Variants in KLHL28 observed in about 807,000 individuals in gnomAD.
KLHL28 encodes the protein kelch-like protein 28.
KLHL28 carries 22 observed loss-of-function variants against 48.3 expected under a neutral mutation model. The observed-to-expected ratio is 0.46, with a 90% CI of 0.33 to 0.65. KLHL28 has a LOEUF of 0.65. KLHL28 is among the 30% of genes least tolerant of loss of function. The pLI is 0.03. For missense variants in KLHL28, 527 were observed against 704.3 expected, an observed-to-expected ratio of 0.75 and a Z score of 2.85; for synonymous variants, 243 against 242.4, an observed-to-expected ratio of 1.00 and a Z score of -0.02.
At chr14:44,955,171 T>C (rs1001563392) in intron 1 of KLHL28, among the ~76,000 whole-genome samples, 4 of 151,748 alleles carry the variant, frequency 2.6e-5, no homozygotes, top group Non-Finnish European at 4.4e-5. Flanking sequence ...CAGTCTGTAT[T>C]TGAATAAAAA....
intron 1 of KLHL28, among the ~76,000 whole-genome samples, chr14:44,956,158 G>A (rs75237717): frequency 0.051 from 7,733 of 152,106 alleles, 654 homozygotes; most frequent in African/African-American, 0.18. Context: ...ATAGGGTCTT[G>A]CTACCTTGCC....
intron 1 of KLHL28, among the ~76,000 whole-genome samples, chr14:44,948,739 C>T (rs1489102111): frequency 6.6e-6 from 1 of 152,176 alleles, no homozygotes; most frequent in Non-Finnish European, 1.5e-5. Flanking sequence ...CTTGCTATCT[C>T]CCAAATATTT....
At chr14:44,933,500 A>G (rs1437063548) in intron 3 of KLHL28, among the ~76,000 whole-genome samples, 1 of 151,834 alleles carries the variant, frequency 6.6e-6, no homozygotes, top group African/African-American at 2.4e-5. Flanking sequence ...TGGAACATCA[A>G]TTTTCAATAA....
At chr14:44,949,516 C>A (rs983120841) in intron 1 of KLHL28, among the ~76,000 whole-genome samples, 1 of 152,012 alleles carries the variant, frequency 6.6e-6, no homozygotes, top group Non-Finnish European at 1.5e-5. Flanking sequence ...ACAAATACCC[C>A]CCAGAGTATA....
At chr14:44,957,334 AATAT>A (rs1884836001) in intron 1 of KLHL28, among the ~76,000 whole-genome samples, 5 of 152,206 alleles carry the variant, frequency 3.3e-5, no homozygotes, top group Admixed American at 3.3e-4. Flanking sequence ...AAAAACAGAA[AATAT>A]AAGGCACAAA....
chr14:44,934,557 C>T lies in KLHL28; in HGVS notation c.901G>A (p.Val301Met). 2.6e-6 allele frequency: 4 copies of T among 1,554,242 alleles called. No homozygotes were observed. The highest frequency in any genetic ancestry group is 1.2e-5 in the South Asian group (1 of 81,484). The change falls in exon 3 of 5, where the codon GTG becomes ATG. Residue 301 changes from valine to methionine, a missense_variant and splice_region_variant. Coordinates refer to ENST00000396128, the MANE Select transcript of KLHL28 (RefSeq NM_017658.5). ...TCATTCTGAGGAAAGTACATCTCCA[C>T]ACTAAAGAATAAGCAGAAAAAATAT... The part of the protein sequence containing the change: ...KSGLFACLDS[V>M]EMYFPQNDSW...
intron 2 of KLHL28, among the ~76,000 whole-genome samples, chr14:44,940,872 C>T (rs771896335): frequency 2.5e-4 from 38 of 152,094 alleles, no homozygotes; most frequent in Admixed American, 2.0e-3. Context: ...GAGGCTGAGG[C>T]GGGTGGATCA....
In KLHL28 at chr14:44,939,249, C is replaced by A. The variant is rs369875588; in HGVS notation, c.900-4691G>T. On this transcript the variant is annotated intron_variant, in intron 2 of 4. Coordinates refer to ENST00000396128, the MANE Select transcript of KLHL28 (RefSeq NM_017658.5). Reference sequence around the variant, plus strand: ...CCCAGGCTGATTCCCCCAAACCATTCTGCCCTCCTAGTGTTCTGAGACTAC... The same window carrying A: ...CCCAGGCTGATTCCCCCAAACCATTATGCCCTCCTAGTGTTCTGAGACTAC... Among the ~76,000 whole-genome samples, 87 of 152,290 alleles carry A rather than the reference C, an allele frequency of 5.7e-4. No individual in the cohort carries two copies. The Middle Eastern group carries it at 0.01, about 18-fold the overall frequency.
intron 1 of KLHL28, among the ~76,000 whole-genome samples, chr14:44,958,232 T>C (rs145902696): frequency 6.6e-6 from 1 of 152,092 alleles, no homozygotes; most frequent in East Asian, 1.9e-4. Flanking sequence ...GAAACCAAGT[T>C]AATAAAGGTC....
rs1241033260 is a variant in KLHL28, at chr14:44,934,368, T to C, written c.1090A>G (p.Asn364Asp). The change falls in exon 3 of 5, where the codon AAT (asparagine) becomes GAT (aspartate). Residue 364 changes from asparagine to aspartate, a missense_variant. Transcript: ENST00000396128. The stretch of plus-strand genomic sequence containing the variant: ...ATTCTCTCTAGAGAAGTCCAAGTAT[T>C]TGTATCAGGATTCCAGCATTCCACT... ...NSVECWNPDT[N>D]TWTSLERMNE... The C allele has an allele frequency of 6.2e-7, 1 of 1,614,030 alleles. No homozygotes were observed. The highest frequency in any genetic ancestry group is 8.5e-7 in the Non-Finnish European group (1 of 1,180,014).
At chr14:44,960,458 C>T (rs1884991007) in intron 1 of KLHL28, among the ~76,000 whole-genome samples, 1 of 152,210 alleles carries the variant, frequency 6.6e-6, no homozygotes, top group African/African-American at 2.4e-5. Context: ...GAAGTCTACA[C>T]ATTTGAGCTT....
rs980355009 is a variant in KLHL28, at chr14:44,948,359, T to C, written c.1-2431A>G. Among the ~76,000 whole-genome samples, 4 of 152,236 alleles carry C rather than the reference T, an allele frequency of 2.6e-5. No homozygotes were observed. The East Asian group carries it at 7.7e-4, about 29-fold the overall frequency. ...TAGTACTATGGTAGCAGTGAGGCGA[T>C]AGAGATAAAACATATCAGTGAAGAA... On this transcript the variant is annotated intron_variant, in intron 1 of 4. Transcript: ENST00000396128.
chr14:44,931,267 T>G (rs1489206958), intron 4 of KLHL28, 66 bp downstream of exon 4: 1 of 1,008,118 alleles, frequency 9.9e-7, no homozygotes, highest in Non-Finnish European at 1.5e-6. Flanking sequence ...AAGGAACTAT[T>G]ATTGCAAGCA....
In KLHL28 at chr14:44,924,515, TCA is replaced by T. The variant is rs1163778714; in HGVS notation, c.*4511_*4512del. On this transcript the variant is annotated 3_prime_UTR_variant, in exon 5 of 5. Coordinates refer to ENST00000396128, the MANE Select transcript of KLHL28 (RefSeq NM_017658.5). ...ACCCTGATGCTAAAAAGGTACATGTTCAGAGGTAAAATACATATACAAAAACA... is the reference window on the plus strand; with the variant it reads ...ACCCTGATGCTAAAAAGGTACATGTTGAGGTAAAATACATATACAAAAACA... 1 of 152,584 alleles carries T rather than the reference TCA, an allele frequency of 6.6e-6. No homozygotes were observed. Among genetic ancestry groups the T allele is most frequent in the Non-Finnish European group, 1.5e-5 (1 of 68,020 alleles). 9.5% of individuals were successfully genotyped at this position (152,584 alleles called of 1,614,324 possible).
At chr14:44,931,971 C>A (rs551961626) in intron 3 of KLHL28, among the ~76,000 whole-genome samples, 1 of 151,140 alleles carries the variant, frequency 6.6e-6, no homozygotes, top group African/African-American at 2.4e-5. Flanking sequence ...TGAGTATGCA[C>A]GTGACTTTGA....
At chr14:44,943,280 TAAAC>T (rs921676664) in intron 2 of KLHL28, among the ~76,000 whole-genome samples, 3 of 152,220 alleles carry the variant, frequency 2.0e-5, no homozygotes, top group Non-Finnish European at 4.4e-5. Context: ...GAATAAGAGT[TAAAC>T]AATCAATTCG....
In KLHL28 at chr14:44,925,868, T is replaced by C. The variant is rs1230964683; in HGVS notation, c.*3160A>G. 6.6e-6 allele frequency: 1 copy of C among 152,202 alleles called. No homozygotes were observed. Among genetic ancestry groups the C allele is most frequent in the Non-Finnish European group, 1.5e-5 (1 of 68,006 alleles). The allele number at this position is 152,202 out of a possible 1,614,324, so 9.4% of individuals were successfully genotyped here. A position where few individuals can be genotyped will look rare whatever the true frequency, so the allele number is the denominator to read the frequency against. On this transcript the variant is annotated 3_prime_UTR_variant, in exon 5 of 5. Transcript: ENST00000396128. ...CCAATGATTATTGAATAGCCAAAGGTGCCTAACAGATTAAGTTGTTATAAT... is the reference window on the plus strand; with the variant it reads ...CCAATGATTATTGAATAGCCAAAGGCGCCTAACAGATTAAGTTGTTATAAT...
At position 44,930,224 on chromosome 14, in the gene KLHL28, C is replaced by A. The variant is rs550941760; in HGVS notation, c.1553-1033G>T. Among the ~76,000 whole-genome samples, 6 of 152,226 alleles carry A rather than the reference C, an allele frequency of 3.9e-5. No individual in the cohort carries two copies. In the South Asian group the frequency reaches 1.2e-3, roughly 32 times the overall value. On this transcript the variant is annotated intron_variant, in intron 4 of 4. Transcript: ENST00000396128. ...TCTTGCATGTTTGTTTCAAAAGGTT[C>A]TTTAATCATAAATATAGGTTGAACA...
chr14:44,934,572 A>G lies in KLHL28; in HGVS notation c.900-14T>C, dbSNP rs764498098. ...TACATCTCCACACTAAAGAATAAGCAGAAAAAATATAAAATTTAAAAACCA... is the reference window on the plus strand; with the variant it reads ...TACATCTCCACACTAAAGAATAAGCGGAAAAAATATAAAATTTAAAAACCA... On this transcript the variant is annotated splice_polypyrimidine_tract_variant and intron_variant, in intron 2 of 4. Transcript: ENST00000396128. 2.0e-6 allele frequency: 3 copies of G among 1,525,154 alleles called. No individual in the cohort carries two copies. Among genetic ancestry groups the G allele is most frequent in the Non-Finnish European group, 2.6e-6 (3 of 1,139,870 alleles). 94.5% of individuals were successfully genotyped at this position (1,525,154 alleles called of 1,614,324 possible).
Sources: allele counts gnomAD v4.1 joint callset (sites outside exome capture counted in the v4.1 genomes callset), GRCh38; gene constraint gnomAD v4.1.1; transcripts MANE v1.5; gene names NCBI Gene and HGNC (gene_info 2026-07-23, HGNC 2026-07-21).